The following GRM1 variants were observed in gnomAD, a reference collection of about 807,000 sequenced individuals.
The protein encoded by GRM1 is glutamate metabotropic receptor 1, also known as metabotropic glutamate receptor 1.
GRM1 carries 33 observed loss-of-function variants against 90.9 expected under a neutral mutation model. The observed-to-expected ratio is 0.36, with a 90% CI of 0.28 to 0.49. GRM1 has a LOEUF of 0.49. Among genes scored for constraint, GRM1 ranks in the 20% least tolerant of loss-of-function variants. The pLI is 0.99. For missense variants in GRM1, 1,190 were observed against 1,534.3 expected, an observed-to-expected ratio of 0.78 and a Z score of 3.75; for synonymous variants, 700 against 613.2, an observed-to-expected ratio of 1.14 and a Z score of -2.09.
intron 1 of GRM1, among the ~76,000 whole-genome samples, chr6:146,046,423 T>G (rs1791334093): frequency 6.6e-6 from 1 of 152,002 alleles, no homozygotes; most frequent in African/African-American, 2.4e-5. Context: ...AGATGCATGA[T>G]GCATGACTAT....
At chr6:146,257,475 A>ATG (rs1272006237) in intron 2 of GRM1, among the ~76,000 whole-genome samples, 1 of 151,940 alleles carries the variant, frequency 6.6e-6, no homozygotes, top group Non-Finnish European at 1.5e-5. Context: ...ACCTACCTAT[A>ATG]TGTGTGTGCG....
At chr6:146,207,704 A>T (rs1177186695) in intron 2 of GRM1, among the ~76,000 whole-genome samples, 2 of 152,222 alleles carry the variant, frequency 1.3e-5, no homozygotes, top group Non-Finnish European at 2.9e-5. Flanking sequence ...AACTAAAAGT[A>T]TAGAAAGACA....
At chr6:146,209,340 G>A (rs1387494903) in intron 2 of GRM1, among the ~76,000 whole-genome samples, 4 of 152,026 alleles carry the variant, frequency 2.6e-5, no homozygotes, top group African/African-American at 9.7e-5. Flanking sequence ...CAATTAACTC[G>A]CTCCCAAAGT....
chr6:146,288,070 G>T (rs547714437), intron 2 of GRM1, among the ~76,000 whole-genome samples: 1 of 152,286 alleles, frequency 6.6e-6, no homozygotes, highest in South Asian at 2.1e-4. Context: ...AAATGATCTG[G>T]GTACTTGGTC....
chr6:146,353,320 C>T (rs1372535679), intron 4 of GRM1, among the ~76,000 whole-genome samples: 1 of 152,174 alleles, frequency 6.6e-6, no homozygotes, highest in East Asian at 1.9e-4. Flanking sequence ...GCTTGGCTAC[C>T]ACTCAGCAAG....
At chr6:146,223,465 A>G (rs543947390) in intron 2 of GRM1, among the ~76,000 whole-genome samples, 17 of 152,226 alleles carry the variant, frequency 1.1e-4, no homozygotes, top group Non-Finnish European at 2.2e-4. Context: ...AGTAGTTTAA[A>G]GACTTTTCAT....
intron 1 of GRM1, among the ~76,000 whole-genome samples, chr6:146,059,885 T>C (rs1220031233): frequency 6.6e-6 from 1 of 152,188 alleles, no homozygotes; most frequent in Non-Finnish European, 1.5e-5. Flanking sequence ...TAAGCCTTCA[T>C]AGAATTGAAG....
chr6:146,216,406 A>G lies in GRM1; in HGVS notation c.950+56809A>G, dbSNP rs1434355782. 2.6e-5 allele frequency among the ~76,000 whole-genome samples: 4 copies of G among 152,300 alleles called. No individual in the cohort carries two copies. In the East Asian group the frequency reaches 7.7e-4, roughly 29 times the overall value. ...ATTAGTGGTAAAAAAAACATAGTAG[A>G]CTTCTGCTTTGAGAACAGCATCAAA... On this transcript the variant is annotated intron_variant, in intron 2 of 7. Transcript: ENST00000282753.
intron 1 of GRM1, among the ~76,000 whole-genome samples, chr6:146,109,901 A>G (rs1270435656): frequency 6.6e-6 from 1 of 152,182 alleles, no homozygotes; most frequent in African/African-American, 2.4e-5. Flanking sequence ...TCTGGCTTGC[A>G]TGGGGCCTGT....
chr6:146,425,736 G>A (rs1778179269), intron 7 of GRM1, among the ~76,000 whole-genome samples: 1 of 152,192 alleles, frequency 6.6e-6, no homozygotes, highest in African/African-American at 2.4e-5. Context: ...TCTTTTCTAT[G>A]ACAGGCAGCC....
chr6:146,195,971 C>T (rs191616544), intron 2 of GRM1, among the ~76,000 whole-genome samples: 71 of 152,314 alleles, frequency 4.7e-4, no homozygotes, highest in Non-Finnish European at 7.8e-4. Context: ...TTGGCTGGGA[C>T]AGTCCAGGTG....
chr6:146,227,942 T>C (rs1366503884), intron 2 of GRM1, among the ~76,000 whole-genome samples: 1 of 152,222 alleles, frequency 6.6e-6, no homozygotes, highest in Non-Finnish European at 1.5e-5. Context: ...TAGATTTCTA[T>C]AATCTGCACT....
intron 2 of GRM1, among the ~76,000 whole-genome samples, chr6:146,167,910 T>G (rs563849081): frequency 6.6e-6 from 1 of 152,230 alleles, no homozygotes; most frequent in East Asian, 1.9e-4. Flanking sequence ...ATCAATTTCT[T>G]CTTTTATGGT....
rs1277639149 is a variant in GRM1, at chr6:146,079,419, A to G, written c.700+49202A>G. ...AAAGTAAAAAGGGGGTACTCTGCCA[A>G]AGAAGGGACCCCAAATTTATCTTCT... On this transcript the variant is annotated intron_variant, in intron 1 of 7. Coordinates refer to ENST00000282753, the MANE Select transcript of GRM1 (RefSeq NM_001278064.2). 5.3e-5 allele frequency among the ~76,000 whole-genome samples: 8 copies of G among 152,196 alleles called. No individual in the cohort carries two copies. In the East Asian group the frequency reaches 1.5e-3, roughly 29 times the overall value.
intron 1 of GRM1, among the ~76,000 whole-genome samples, chr6:146,140,393 C>T (rs973319393): frequency 6.6e-6 from 1 of 151,984 alleles, no homozygotes; most frequent in African/African-American, 2.4e-5. Context: ...CTTAACCACC[C>T]AAGTAGCTGG....
In GRM1 at chr6:146,213,103, A is replaced by AT. The variant is rs1355035405; in HGVS notation, c.950+53514dup. Among the ~76,000 whole-genome samples the AT allele has an allele frequency of 7.9e-5, 12 of 152,078 alleles. No homozygotes were observed. The East Asian group carries it at 9.7e-4, about 12-fold the overall frequency. ...TGGGGGCACCAGCGAATTTCTAATG[A>AT]TTTTTTTTCTAGAGGAATTAATAGC... is the stretch of plus-strand genomic sequence containing the variant. On this transcript the variant is annotated intron_variant, in intron 2 of 7. Transcript: ENST00000282753.
At chr6:146,133,020 A>G (rs1263085122) in intron 1 of GRM1, among the ~76,000 whole-genome samples, 2 of 152,216 alleles carry the variant, frequency 1.3e-5, no homozygotes, top group African/African-American at 4.8e-5. Flanking sequence ...ACTGAAGACT[A>G]AAGAGTGGCT....
intron 2 of GRM1, among the ~76,000 whole-genome samples, chr6:146,193,449 A>G (rs1054978392): frequency 2.6e-5 from 4 of 152,170 alleles, no homozygotes; most frequent in Admixed American, 6.5e-5. Flanking sequence ...ATTAACACCT[A>G]GGAGAGTGTG....
In GRM1 at chr6:146,399,620, G is replaced by A. The variant is rs143544032; in HGVS notation, c.2581G>A (p.Gly861Ser). Residue 861 changes from glycine (G) to serine (S), a missense_variant, in exon 7 of 8, where the codon GGC (glycine) becomes AGC (serine). Transcript: ENST00000282753. This position sits in a 1 kb window ranked among gnomAD's most constrained non-coding sequence, Gnocchi z 5.4. ...TTSDVVRMHV[G>S]DGKLPCRSNT... is the part of the protein sequence containing the mutation. Reference sequence around the variant, plus strand: ...CTCTGATGTTGTCCGCATGCATGTTGGCGATGGCAAGCTGCCCTGCCGCTC... The same window carrying A: ...CTCTGATGTTGTCCGCATGCATGTTAGCGATGGCAAGCTGCCCTGCCGCTC... 779 of 1,613,964 alleles carry A rather than the reference G, an allele frequency of 4.8e-4. 9 individuals are homozygous for A. The highest frequency in any genetic ancestry group is 1.1e-4 in the Non-Finnish European group (131 of 1,179,996).
Sources: gnomAD v4.1 joint callset for allele counts (sites outside exome capture counted in the v4.1 genomes callset) on GRCh38, gnomAD v4.1.1 for gene constraint, Gnocchi (gnomAD v3.1) non-coding constraint, MANE v1.5 for transcripts, NCBI Gene and HGNC (gene_info 2026-07-23, HGNC 2026-07-21) for gene names.